FKBP6: variants seen among roughly 807,000 people sequenced by gnomAD.
FKBP6 encodes FKBP prolyl isomerase family member 6 (inactive).
A neutral mutation model predicts 41.7 loss-of-function variants in FKBP6; 29 were observed. That is an observed-to-expected ratio of 0.70 (90% CI 0.52 to 0.95). The LOEUF (loss-of-function observed/expected upper bound fraction) is 0.95, where lower values mean the gene tolerates loss of function less well. Among genes scored for constraint, FKBP6 ranks in the 40% least tolerant of loss-of-function variants. The pLI, the probability that FKBP6 is intolerant of heterozygous loss-of-function variation, is 0.00. For missense variants in FKBP6, 338 were observed against 408.7 expected, an observed-to-expected ratio of 0.83 and a Z score of 1.49; for synonymous variants, 130 against 165.1, an observed-to-expected ratio of 0.79 and a Z score of 1.63.
chr7:73,354,225 G>A lies in FKBP6; in HGVS notation c.*3-3956G>A, dbSNP rs564677002. ...GGCTCCAGACCACTCAGCTCCATGC[G>A]CATTCTCATGGGACTAGGTGGCCAG... is the stretch of plus-strand genomic sequence containing the variant. On this transcript the variant is annotated intron_variant, in intron 8 of 8. Transcript: ENST00000252037. 2.0e-4 allele frequency among the ~76,000 whole-genome samples: 30 copies of A among 152,324 alleles called. 1 individual carries two copies. In the South Asian group the frequency reaches 2.5e-3, roughly 13 times the overall value.
In FKBP6 at chr7:73,341,303, G is replaced by C; in HGVS notation, c.814G>C (p.Ala272Pro). Reference protein sequence around the residue: ...ACLLLTEYQKARDFLVRAQKE... With the variant: ...ACLLLTEYQKPRDFLVRAQKE... ...TCTTCTCCTGACTGAGTATCAAAAG[G>C]CCCGGGATTTTCTAGTTCGAGCCCA... Residue 272 changes from alanine (A) to proline (P), a missense_variant, in exon 7 of 9, where the codon GCC becomes CCC. By Grantham distance (27) the Ala-to-Pro change is conservative (BLOSUM62 -1). This residue lies in a region of FKBP6 where 239 missense variants were observed against 250.1 expected (regional missense o/e 0.96). Coordinates refer to ENST00000252037, the MANE Select transcript of FKBP6 (RefSeq NM_003602.5). The C allele has an allele frequency of 6.2e-7, 1 of 1,613,434 alleles. No homozygotes were observed. Among genetic ancestry groups the C allele is most frequent in the Non-Finnish European group, 8.5e-7 (1 of 1,179,386 alleles).
chr7:73,343,380 T>C (rs1563319069), intron 8 of FKBP6, among the ~76,000 whole-genome samples: 1 of 152,068 alleles, frequency 6.6e-6, no homozygotes, highest in Non-Finnish European at 1.5e-5. Context: ...CTCCTTGCAG[T>C]TGCTTGGAAC....
chr7:73,351,860 G>T (rs1368055285), intron 8 of FKBP6, among the ~76,000 whole-genome samples: 1 of 152,174 alleles, frequency 6.6e-6, no homozygotes, highest in African/African-American at 2.4e-5. Flanking sequence ...TTCATGATGG[G>T]GTTGAAAGAC....
At chr7:73,355,643 G>GT (rs1351553050) in intron 8 of FKBP6, among the ~76,000 whole-genome samples, 2 of 144,570 alleles carry the variant, frequency 1.4e-5, no homozygotes, top group Non-Finnish European at 3.1e-5. Flanking sequence ...GTCTCCAAAG[G>GT]TAAAAAAAAA....
intron 5 of FKBP6, among the ~76,000 whole-genome samples, chr7:73,334,905 G>A (rs1422978887): frequency 3.3e-5 from 5 of 152,148 alleles, no homozygotes; most frequent in Non-Finnish European, 7.4e-5. Context: ...CAGATACCCA[G>A]TTCTCATTTC....
At position 73,340,721 on chromosome 7, in the gene FKBP6, C is replaced by G. The variant is rs782318583; in HGVS notation, c.672C>G (p.Asn224Lys). The G allele has an allele frequency of 6.2e-7, 1 of 1,613,810 alleles. No individual in the cohort carries two copies. Among genetic ancestry groups the G allele is most frequent in the African/African-American group, 1.3e-5 (1 of 74,854 alleles). The change falls in exon 6 of 9, where the codon AAC becomes AAG. Residue 224 changes from asparagine to lysine, a missense_variant. By Grantham distance (94) the Asn-to-Lys change is moderately conservative. Transcript: ENST00000252037. ...CCGCCAAGCTTCCTGTTCTCCTGAA[C>G]CTGTCCTTTACATACCTGAAGCTAG... is the stretch of plus-strand genomic sequence containing the variant. ...VEAAKLPVLLNLSFTYLKLDR... is the reference protein window; with the variant it reads ...VEAAKLPVLLKLSFTYLKLDR...
intron 8 of FKBP6, among the ~76,000 whole-genome samples, chr7:73,354,830 C>G (rs142559486): frequency 1.3e-5 from 2 of 152,002 alleles, no homozygotes; most frequent in Non-Finnish European, 2.9e-5. Context: ...TGAGTTTACT[C>G]TAGTTCCCCG....
chr7:73,348,754 G>A (rs1554550662), intron 8 of FKBP6, among the ~76,000 whole-genome samples: 3 of 152,186 alleles, frequency 2.0e-5, no homozygotes, highest in Non-Finnish European at 2.9e-5. Flanking sequence ...CTGGAATGGT[G>A]CTCAGAACTC....
At position 73,342,752 on chromosome 7, in the gene FKBP6, T is replaced by G; in HGVS notation, c.894-55T>G. 5.0e-6 allele frequency: 6 copies of G among 1,205,110 alleles called. No individual in the cohort carries two copies. In the East Asian group the frequency reaches 1.4e-4, roughly 28 times the overall value. 74.7% of individuals were successfully genotyped at this position (1,205,110 alleles called of 1,614,324 possible). On this transcript the variant is annotated intron_variant, in intron 7 of 8. Coordinates refer to ENST00000252037, the MANE Select transcript of FKBP6 (RefSeq NM_003602.5). ...TGAGTGGAGAATTCCAGCCACCAGA[T>G]GTCACCTCCTCCAAACACAGACCTC...
At chr7:73,334,100 C>G (rs1464712053) in intron 5 of FKBP6, among the ~76,000 whole-genome samples, 1 of 152,074 alleles carries the variant, frequency 6.6e-6, no homozygotes, top group African/African-American at 2.4e-5. Context: ...TAGTTCTGAG[C>G]TCAAAGCTAA....
chr7:73,337,970 TC>T (rs1246445217), intron 5 of FKBP6, among the ~76,000 whole-genome samples: 7 of 152,370 alleles, frequency 4.6e-5, no homozygotes, highest in South Asian at 4.1e-4. Flanking sequence ...CTGTCTTATT[TC>T]ACTTAGCATG....
At chr7:73,343,096 G>T (rs560498576) in intron 8 of FKBP6, among the ~76,000 whole-genome samples, 197 bp downstream of exon 8, 8 of 152,308 alleles carry the variant, frequency 5.3e-5, no homozygotes, top group South Asian at 4.1e-4. Flanking sequence ...AAGAAAGTTC[G>T]CCCAGACCTG....
intron 8 of FKBP6, among the ~76,000 whole-genome samples, chr7:73,344,710 G>A (rs1470676092): frequency 1.3e-5 from 2 of 151,936 alleles, no homozygotes; most frequent in African/African-American, 2.4e-5. Context: ...TCAGCCTCCC[G>A]AGTAGCTGGG....
chr7:73,331,560 C>A (rs1804842497), intron 4 of FKBP6, 97 bp from the exon 5 acceptor site: 2 of 1,205,420 alleles, frequency 1.7e-6, no homozygotes, highest in Admixed American at 1.7e-5. Context: ...GTTGCCCAGG[C>A]TGGTCTCGAA....
At chr7:73,343,941 C>G (rs144868076) in intron 8 of FKBP6, among the ~76,000 whole-genome samples, 25 of 152,296 alleles carry the variant, frequency 1.6e-4, no homozygotes, top group African/African-American at 5.8e-4. Context: ...TATTCATCCC[C>G]GACATTTTCA....
chr7:73,341,422 G>C (rs782195345), intron 7 of FKBP6, 40 bp downstream of exon 7: 1 of 1,233,940 alleles, frequency 8.1e-7, no homozygotes, highest in South Asian at 1.2e-5. Context: ...AGATGGGTGG[G>C]GTTGTGACTC....
intron 7 of FKBP6, 38 bp downstream of exon 7, chr7:73,341,420 G>A: frequency 1.6e-6 from 2 of 1,267,926 alleles, no homozygotes; most frequent in South Asian, 1.2e-5. Flanking sequence ...AGAGATGGGT[G>A]GGGTTGTGAC....
intron 8 of FKBP6, among the ~76,000 whole-genome samples, chr7:73,347,069 A>G (rs895780372): frequency 1.3e-5 from 2 of 152,226 alleles, no homozygotes; most frequent in East Asian, 3.9e-4. Context: ...GGGCGAGGTG[A>G]CCACCCACAC....
chr7:73,340,915 GTCTT>G, intron 6 of FKBP6, 83 bp downstream of exon 6: 15 of 637,058 alleles, frequency 2.4e-5, no homozygotes, highest in Non-Finnish European at 3.7e-5. Context: ...CAAAAATGCT[GTCTT>G]TTTTTTTTTT....
Sources: gnomAD v4.1 joint callset for allele counts (sites outside exome capture counted in the v4.1 genomes callset) on GRCh38, gnomAD v4.1.1 for gene constraint, gnomAD v4.1.1 regional missense constraint, MANE v1.5 for transcripts, NCBI Gene and HGNC (gene_info 2026-07-23, HGNC 2026-07-21) for gene names.